LRRIQ4: variants seen among roughly 807,000 people sequenced by gnomAD.
LRRIQ4 encodes the protein leucine-rich repeat and IQ domain-containing protein 4.
Under a neutral mutation model 40.1 loss-of-function variants are expected in LRRIQ4, and 21 were observed. That is an observed-to-expected ratio of 0.52 (90% CI 0.37 to 0.75). The LOEUF is 0.75. Ranked by LOEUF, LRRIQ4 falls within the 30% of genes least tolerant of loss-of-function variation. The probability of loss-of-function intolerance (pLI) is 0.00; values close to 1 mark genes in which losing one functional copy is unlikely to be tolerated. For synonymous variants in LRRIQ4, 277 were observed against 277.1 expected (o/e 1.00, Z 0.00); for missense variants, 655 against 660.0 (o/e 0.99, Z 0.08).
rs1779897986 is a variant in LRRIQ4 at position 169,821,882 on chromosome 3, A to G, written c.-31-9A>G. On this transcript the variant is annotated splice_polypyrimidine_tract_variant and intron_variant, in intron 1 of 5. Transcript: ENST00000340806. ...TCTATTTTTTTTCATCCTTTTCACA[A>G]TATTTCAGATTTTGAATATTTGAGC... 7.5e-7 allele frequency: 1 copy of G among 1,330,740 alleles called. No homozygotes were observed. Among genetic ancestry groups the G allele is most frequent in the Non-Finnish European group, 9.9e-7 (1 of 1,013,546 alleles). 82.4% of individuals were successfully genotyped at this position (1,330,740 alleles called of 1,614,324 possible).
At chr3:169,835,933 T>C (rs1263521239) in intron 5 of LRRIQ4, among the ~76,000 whole-genome samples, 1 of 152,192 alleles carries the variant, frequency 6.6e-6, no homozygotes, top group Non-Finnish European at 1.5e-5. Context: ...CATTCTCTTA[T>C]CAGAGAGCCC....
intron 4 of LRRIQ4, among the ~76,000 whole-genome samples, chr3:169,831,305 G>A (rs1374824623): frequency 4.6e-5 from 5 of 109,764 alleles, no homozygotes; most frequent in Admixed American, 1.4e-4. Context: ...ACAGAGTCTC[G>A]CTCTGTCGCT....
At chr3:169,823,549 T>C (rs930048558) in intron 2 of LRRIQ4, among the ~76,000 whole-genome samples, 12 of 152,166 alleles carry the variant, frequency 7.9e-5, no homozygotes, top group Non-Finnish European at 8.8e-5. Context: ...GGTTTCACGG[T>C]GTTGTCCAGG....
At chr3:169,815,937 CATTG>C (rs1460649027) in intron 1 of LRRIQ4, among the ~76,000 whole-genome samples, 1 of 152,160 alleles carries the variant, frequency 6.6e-6, no homozygotes, top group African/African-American at 2.4e-5. Context: ...GGTTGTATCA[CATTG>C]ATTGATTTGT....
intron 1 of LRRIQ4, among the ~76,000 whole-genome samples, chr3:169,821,498 G>T (rs1339723441): frequency 6.6e-6 from 1 of 152,096 alleles, no homozygotes; most frequent in Non-Finnish European, 1.5e-5. Context: ...AGCTGGGCAT[G>T]GTGGTGGGTG....
At chr3:169,830,954 A>G (rs1780157487) in intron 4 of LRRIQ4, among the ~76,000 whole-genome samples, 1 of 152,210 alleles carries the variant, frequency 6.6e-6, no homozygotes, top group Non-Finnish European at 1.5e-5. Flanking sequence ...CAGAATTTGG[A>G]GTTGGGATCC....
At chr3:169,826,389 C>T (rs9812669) in intron 2 of LRRIQ4, among the ~76,000 whole-genome samples, 2,178 of 148,686 alleles carry the variant, frequency 0.015, 55 homozygotes, top group African/African-American at 0.051. Context: ...TGAAACTCCG[C>T]CTCAAAAAAA....
At chr3:169,836,991 G>T (rs1291107863) in intron 5 of LRRIQ4, among the ~76,000 whole-genome samples, 1 of 152,182 alleles carries the variant, frequency 6.6e-6, no homozygotes, top group East Asian at 1.9e-4. Flanking sequence ...GCTGCTAGAG[G>T]AAGGGTGTTG....
intron 2 of LRRIQ4, among the ~76,000 whole-genome samples, chr3:169,825,406 G>A (rs1304134735): frequency 6.6e-6 from 1 of 152,134 alleles, no homozygotes; most frequent in Non-Finnish European, 1.5e-5. Flanking sequence ...CATTTTGATG[G>A]TAACTTGTAG....
At chr3:169,826,478 C>G (rs1047627042) in intron 2 of LRRIQ4, among the ~76,000 whole-genome samples, 1 of 151,996 alleles carries the variant, frequency 6.6e-6, no homozygotes, top group Non-Finnish European at 1.5e-5. Context: ...ACAGTGTCAT[C>G]AGTAATTGTC....
At chr3:169,821,055 C>T (rs1779875140) in intron 1 of LRRIQ4, among the ~76,000 whole-genome samples, 1 of 152,212 alleles carries the variant, frequency 6.6e-6, no homozygotes, top group African/African-American at 2.4e-5. Context: ...CTCTGCCTGA[C>T]AGTCCTCAAA....
At chr3:169,832,416 C>T (rs1007131222) in intron 4 of LRRIQ4, among the ~76,000 whole-genome samples, 23 of 150,448 alleles carry the variant, frequency 1.5e-4, no homozygotes, top group Admixed American at 1.5e-3. Flanking sequence ...TGCACTGAAC[C>T]GAGATGGCGC....
intron 1 of LRRIQ4, among the ~76,000 whole-genome samples, chr3:169,820,470 AG>A (rs1381122842): frequency 6.6e-6 from 1 of 151,828 alleles, no homozygotes; most frequent in Non-Finnish European, 1.5e-5. Flanking sequence ...GAAAAAAAAA[AG>A]TTTGCTAAAA....
rs541521021 is a variant in LRRIQ4, at chr3:169,828,527, C to A, written c.1021-232C>A. ...GGGATTAAAGGCATAAACCACCGCG[C>A]CCAGCCACAAAAAATTGCTCCAGTT... On this transcript the variant is annotated intron_variant, in intron 2 of 5. Coordinates refer to ENST00000340806, the MANE Select transcript of LRRIQ4 (RefSeq NM_001080460.3). 2.0e-5 allele frequency among the ~76,000 whole-genome samples: 3 copies of A among 152,324 alleles called. No individual in the cohort carries two copies. In the East Asian group the frequency reaches 5.8e-4, roughly 29 times the overall value.
intron 1 of LRRIQ4, among the ~76,000 whole-genome samples, chr3:169,816,228 G>A (rs748432454): frequency 1.3e-5 from 2 of 152,120 alleles, no homozygotes; most frequent in African/African-American, 2.4e-5. Flanking sequence ...AGCTTGAGTA[G>A]GATTGGTATT....
At chr3:169,815,770 G>A (rs776855677) in intron 1 of LRRIQ4, among the ~76,000 whole-genome samples, 1 of 152,042 alleles carries the variant, frequency 6.6e-6, no homozygotes. Flanking sequence ...TACTACCTAC[G>A]GGCCTGTCAA....
At position 169,822,631 on chromosome 3, in the gene LRRIQ4, C is replaced by A. The variant is rs560080060; in HGVS notation, c.710C>A (p.Ser237Ter). Residue 237 changes from serine (S) to a stop codon, truncating the protein, a stop_gained, in exon 2 of 6, where the codon TCG becomes TAG. Transcript: ENST00000340806. LOFTEE classifies it high-confidence loss of function. ...PASLCQCSQLSVLDLSHNLLH... is the reference protein window; with the variant it reads ...PASLCQCSQL The stretch of plus-strand genomic sequence containing the variant: ...TCCTTGTGCCAGTGTAGCCAACTGT[C>A]GGTGCTCGATTTATCCCACAACCTC... 5 of 1,613,934 alleles carry A rather than the reference C, an allele frequency of 3.1e-6. No individual in the cohort carries two copies. The East Asian group carries it at 8.9e-5, about 29-fold the overall frequency.
chr3:169,834,173 C>T (rs1455865567), intron 5 of LRRIQ4, among the ~76,000 whole-genome samples: 2 of 152,080 alleles, frequency 1.3e-5, no homozygotes, highest in Non-Finnish European at 2.9e-5. Context: ...ATCAGCCTGA[C>T]CAACATGGTG....
rs748371682 is a variant in LRRIQ4, at chr3:169,822,974, C to G, written c.1020+33C>G. On this transcript the variant is annotated intron_variant, in intron 2 of 5. Transcript: ENST00000340806. ...TTCCTTTTCTGGCTGTCACTATGCTCTCATCCAGGGTCCTTCCTGCCCTAA... is the reference window on the plus strand; with the variant it reads ...TTCCTTTTCTGGCTGTCACTATGCTGTCATCCAGGGTCCTTCCTGCCCTAA... 9.5e-6 allele frequency: 14 copies of G among 1,479,530 alleles called. No individual in the cohort carries two copies. In the Admixed American group the frequency reaches 3.6e-4, roughly 39 times the overall value. The allele number at this position is 1,479,530 out of a possible 1,614,324, so 91.7% of individuals were successfully genotyped here. A position where few individuals can be genotyped will look rare whatever the true frequency, so the allele number is the denominator to read the frequency against.
Sources: gnomAD v4.1 joint callset for allele counts (sites outside exome capture counted in the v4.1 genomes callset) on GRCh38, gnomAD v4.1.1 for gene constraint, MANE v1.5 for transcripts, NCBI Gene and HGNC (gene_info 2026-07-23, HGNC 2026-07-21) for gene names.